Variants in ARHGAP22 observed in about 807,000 individuals in gnomAD.
ARHGAP22 encodes rho GTPase-activating protein 22.
Under a neutral mutation model 59.1 loss-of-function variants are expected in ARHGAP22, and 48 were observed. The observed-to-expected ratio is 0.81, with a 90% CI of 0.64 to 1.03. ARHGAP22 has a LOEUF of 1.03. Among genes scored for constraint, ARHGAP22 ranks in the 50% least tolerant of loss-of-function variants. ARHGAP22 has a pLI of 0.00. For missense variants in ARHGAP22, 1,015 were observed against 958.7 expected (o/e 1.06, Z -0.78); for synonymous variants, 445 against 416.4 (o/e 1.07, Z -0.84).
chr10:48,615,395 A>G (rs999735087), intron 1 of ARHGAP22, among the ~76,000 whole-genome samples: 7 of 152,242 alleles, frequency 4.6e-5, no homozygotes, highest in African/African-American at 1.7e-4. Flanking sequence ...AGAATACATA[A>G]CTCACAAAAA....
intron 1 of ARHGAP22, among the ~76,000 whole-genome samples, chr10:48,638,972 G>A (rs1198533796): frequency 1.3e-5 from 2 of 152,172 alleles, no homozygotes; most frequent in Admixed American, 6.5e-5. Context: ...AACCATTTCT[G>A]TACTCTGGAA....
chr10:48,502,542 A>C (rs969057981), intron 3 of ARHGAP22, among the ~76,000 whole-genome samples: 5 of 152,074 alleles, frequency 3.3e-5, no homozygotes, highest in Non-Finnish European at 1.5e-5. Flanking sequence ...TCCCCATCTC[A>C]CCGGACACTC....
chr10:48,441,483 G>T (rs57521610), downstream of ARHGAP22, among the ~76,000 whole-genome samples: 3 of 143,256 alleles, frequency 2.1e-5, no homozygotes, highest in Non-Finnish European at 4.5e-5. Flanking sequence ...ACAGAGTCTC[G>T]CTCTGTCACC....
At chr10:48,592,273 C>G (rs2059805609) in intron 1 of ARHGAP22, among the ~76,000 whole-genome samples, 1 of 152,150 alleles carries the variant, frequency 6.6e-6, no homozygotes, top group African/African-American at 2.4e-5. Context: ...CTCAGCTTCC[C>G]AAGTGGTGGG....
intron 1 of ARHGAP22, among the ~76,000 whole-genome samples, chr10:48,614,486 A>G (rs553451095): frequency 6.6e-6 from 1 of 152,382 alleles, no homozygotes; most frequent in Non-Finnish European, 1.5e-5. Context: ...CATGCTAAAT[A>G]TAATACAGAA....
chr10:48,593,323 A>G (rs1423095640), intron 1 of ARHGAP22, among the ~76,000 whole-genome samples: 3 of 152,254 alleles, frequency 2.0e-5, no homozygotes, highest in African/African-American at 4.8e-5. Context: ...TACAAAATAT[A>G]AAACTACAGT....
chr10:48,430,664 T>C, the ARHGAP22 span: 1 of 153,870 alleles, frequency 6.5e-6, no homozygotes. Context: ...GAAATGTAGC[T>C]TACCTGCTAG....
chr10:48,632,162 T>C (rs959181257), intron 1 of ARHGAP22, among the ~76,000 whole-genome samples: 2 of 152,180 alleles, frequency 1.3e-5, no homozygotes, highest in African/African-American at 4.8e-5. Flanking sequence ...ATTATATAAT[T>C]CTTACGCCTT....
chr10:48,431,119 A>C, the ARHGAP22 span: 1 of 898,522 alleles, frequency 1.1e-6, no homozygotes, highest in Admixed American at 2.0e-5. Flanking sequence ...AAAAATTTCC[A>C]CTTAAACCAT....
chr10:48,560,053 T>A (rs745654184), intron 2 of ARHGAP22, among the ~76,000 whole-genome samples: 1 of 152,238 alleles, frequency 6.6e-6, no homozygotes, highest in Non-Finnish European at 1.5e-5. Flanking sequence ...GAATATGTTA[T>A]GCTACATGAC....
intron 2 of ARHGAP22, among the ~76,000 whole-genome samples, chr10:48,573,554 A>T (rs551322705): frequency 6.6e-6 from 1 of 152,360 alleles, no homozygotes; most frequent in Non-Finnish European, 1.5e-5. Flanking sequence ...GGAGCTCTGC[A>T]TGTTCAGGCA....
intron 3 of ARHGAP22, among the ~76,000 whole-genome samples, chr10:48,490,172 C>G (rs906976617): frequency 6.6e-6 from 1 of 152,188 alleles, no homozygotes; most frequent in African/African-American, 2.4e-5. Flanking sequence ...AGGGACCCAC[C>G]TCATCAGGAG....
intron 1 of ARHGAP22, among the ~76,000 whole-genome samples, chr10:48,639,023 T>C (rs1398153334): frequency 6.6e-6 from 1 of 152,232 alleles, no homozygotes; most frequent in Non-Finnish European, 1.5e-5. Context: ...GTAGTTATGC[T>C]TGAAAAACTT....
At chr10:48,473,563 CAG>C (rs1195551369) in intron 4 of ARHGAP22, among the ~76,000 whole-genome samples, 3 of 131,570 alleles carry the variant, frequency 2.3e-5, no homozygotes, top group African/African-American at 6.1e-5. Context: ...ATTTAGTACT[CAG>C]AGAGCGCTGA....
rs75390566 is a variant in ARHGAP22 at position 48,595,691 on chromosome 10, T to C, written c.34+9072A>G. Among the ~76,000 whole-genome samples, 12 of 150,206 alleles carry C rather than the reference T, an allele frequency of 8.0e-5. No individual in the cohort carries two copies. In the South Asian group the frequency reaches 1.3e-3, roughly 16 times the overall value. On this transcript the variant is annotated intron_variant, in intron 1 of 9. Transcript: ENST00000249601. Reference sequence around the variant, plus strand: ...GGTGTGTATGACTATGCCTGGCTAATTTTTTTTTTGTAAAGATGGGGTCTT... The same window carrying C: ...GGTGTGTATGACTATGCCTGGCTAACTTTTTTTTTGTAAAGATGGGGTCTT...
chr10:48,462,004 G>C (rs920161188), intron 4 of ARHGAP22, among the ~76,000 whole-genome samples: 2 of 152,214 alleles, frequency 1.3e-5, no homozygotes, highest in African/African-American at 4.8e-5. Flanking sequence ...CACCCTGCTT[G>C]ACCCAAAAAC....
At chr10:48,468,827 G>A (rs1454355054) in intron 4 of ARHGAP22, among the ~76,000 whole-genome samples, 2 of 152,142 alleles carry the variant, frequency 1.3e-5, no homozygotes, top group African/African-American at 4.8e-5. Flanking sequence ...TCAAAACTGG[G>A]AGTGGGGCCG....
chr10:48,552,436 G>A (rs2056971279), intron 3 of ARHGAP22, among the ~76,000 whole-genome samples: 1 of 152,238 alleles, frequency 6.6e-6, no homozygotes, highest in African/African-American at 2.4e-5. Flanking sequence ...CGGAACTGTA[G>A]GAGAAGCCCC....
intron 1 of ARHGAP22, among the ~76,000 whole-genome samples, chr10:48,612,333 C>A (rs1426434830): frequency 2.0e-5 from 3 of 152,204 alleles, no homozygotes; most frequent in Admixed American, 2.0e-4. Context: ...TTCCCCATCT[C>A]CCTCTTCGGA....
Sources: gnomAD v4.1 joint callset for allele counts (sites outside exome capture counted in the v4.1 genomes callset) on GRCh38, gnomAD v4.1.1 for gene constraint, MANE v1.5 for transcripts, NCBI Gene and HGNC (gene_info 2026-07-23, HGNC 2026-07-21) for gene names.